The following RSPO3 variants were observed in gnomAD, a reference collection of about 807,000 sequenced individuals.
RSPO3 encodes R-spondin 3.
A neutral mutation model predicts 36.5 loss-of-function variants in RSPO3; 17 were observed. That is an observed-to-expected ratio of 0.47 (90% confidence interval 0.32 to 0.70). RSPO3 has a LOEUF of 0.70. Among genes scored for constraint, RSPO3 ranks in the 30% least tolerant of loss-of-function variants. RSPO3 has a pLI of 0.04. For missense variants in RSPO3, 294 were observed against 322.5 expected (o/e 0.91, Z 0.68); for synonymous variants, 108 against 107.0 (o/e 1.01, Z -0.06).
At chr6:127,179,296 C>T (rs1775132948) in intron 4 of RSPO3, among the ~76,000 whole-genome samples, 1 of 151,784 alleles carries the variant, frequency 6.6e-6, no homozygotes, top group African/African-American at 2.4e-5. Flanking sequence ...GAGGTATAAA[C>T]TCGTAATAAA....
rs188652688 is a variant in RSPO3, at chr6:127,173,244, C to T, written c.634+17806C>T. ...TAATAAGCAAATTGGCCAGTGATTT[C>T]CCCTTTTGCTTCAAATCATTCTGAT... On this transcript the variant is annotated intron_variant, in intron 4 of 4. Transcript: ENST00000356698. 3.3e-5 allele frequency among the ~76,000 whole-genome samples: 5 copies of T among 151,924 alleles called. No individual in the cohort carries two copies. In the East Asian group the frequency reaches 9.8e-4, roughly 30 times the overall value.
At chr6:127,183,835 T>C (rs1479028558) in intron 4 of RSPO3, among the ~76,000 whole-genome samples, 1 of 151,940 alleles carries the variant, frequency 6.6e-6, no homozygotes, top group Non-Finnish European at 1.5e-5. Context: ...TAGTGCATTC[T>C]CACACTATTA....
chr6:127,160,648 G>A (rs574190507), intron 4 of RSPO3, among the ~76,000 whole-genome samples: 89 of 152,300 alleles, frequency 5.8e-4, no homozygotes, highest in South Asian at 2.3e-3. Context: ...TAACTTCTAC[G>A]TCATTGGGTT....
chr6:127,122,730 T>C (rs1773869083), intron 1 of RSPO3, among the ~76,000 whole-genome samples: 1 of 152,340 alleles, frequency 6.6e-6, no homozygotes, highest in East Asian at 1.9e-4. Context: ...ACTGTTCTCC[T>C]TGACTGGAAA....
intron 3 of RSPO3, 103 bp downstream of exon 3, chr6:127,150,675 GA>G: frequency 8.9e-7 from 1 of 1,119,174 alleles, no homozygotes; most frequent in Non-Finnish European, 1.3e-6. Context: ...CTTGGGCTGA[GA>G]TCTCTTAAAG....
intron 1 of RSPO3, among the ~76,000 whole-genome samples, chr6:127,135,140 G>A (rs1484977589): frequency 7.2e-5 from 11 of 152,176 alleles, no homozygotes; most frequent in Non-Finnish European, 2.9e-5. Context: ...TGCAACTATT[G>A]GCCAGGTGCG....
intron 1 of RSPO3, among the ~76,000 whole-genome samples, chr6:127,133,839 C>G (rs1420841824): frequency 1.3e-5 from 2 of 152,070 alleles, no homozygotes; most frequent in African/African-American, 4.8e-5. Context: ...TAAACAATTA[C>G]TATGTGCCAA....
intron 4 of RSPO3, among the ~76,000 whole-genome samples, chr6:127,182,382 G>A (rs1775206876): frequency 6.6e-6 from 1 of 151,724 alleles, no homozygotes; most frequent in Non-Finnish European, 1.5e-5. Context: ...CCAAACATAT[G>A]GGCTATTTCA....
Position 127,131,769 on chromosome 6 carries a change from G to A in RSPO3, c.97+12480G>A, listed in dbSNP as rs1774062386. Among the ~76,000 whole-genome samples, 5 of 152,144 alleles carry A rather than the reference G, an allele frequency of 3.3e-5. No homozygotes were observed. The South Asian group carries it at 1.0e-3, about 32-fold the overall frequency. On this transcript the variant is annotated intron_variant, in intron 1 of 4. Coordinates refer to ENST00000356698, the MANE Select transcript of RSPO3 (RefSeq NM_032784.5). ...GCTGACTACTTAGCAACTCATGGAG[G>A]ATCAAGTCATTCCTATGTATCAAGC...
chr6:127,142,973 G>A (rs1345128133), intron 1 of RSPO3, among the ~76,000 whole-genome samples: 5 of 134,982 alleles, frequency 3.7e-5, no homozygotes, highest in East Asian at 4.3e-4. Flanking sequence ...GTGTCACCGT[G>A]CCCAGCTAAT....
At chr6:127,165,122 T>G (rs1487166678) in intron 4 of RSPO3, among the ~76,000 whole-genome samples, 1 of 151,998 alleles carries the variant, frequency 6.6e-6, no homozygotes, top group Non-Finnish European at 1.5e-5. Context: ...TAAATTCACA[T>G]GCAGAAAATA....
intron 4 of RSPO3, among the ~76,000 whole-genome samples, chr6:127,159,718 G>A (rs944794492): frequency 8.3e-5 from 12 of 144,534 alleles, no homozygotes; most frequent in African/African-American, 2.9e-4. Context: ...GCGCGATCTC[G>A]GCTCACTGCA....
At chr6:127,124,276 T>G (rs1159473408) in intron 1 of RSPO3, among the ~76,000 whole-genome samples, 1 of 152,120 alleles carries the variant, frequency 6.6e-6, no homozygotes, top group African/African-American at 2.4e-5. Context: ...TTCTTCACTA[T>G]TCACTCACAT....
intron 3 of RSPO3, among the ~76,000 whole-genome samples, chr6:127,151,225 C>T (rs1774485011): frequency 6.6e-6 from 1 of 151,920 alleles, no homozygotes; most frequent in Non-Finnish European, 1.5e-5. Flanking sequence ...CTTACTCAAA[C>T]TGACAGATTG....
At chr6:127,173,445 C>CATAAT (rs1443318829) in intron 4 of RSPO3, among the ~76,000 whole-genome samples, 1 of 151,676 alleles carries the variant, frequency 6.6e-6, no homozygotes, top group Non-Finnish European at 1.5e-5. Flanking sequence ...AAATATAAAT[C>CATAAT]CTAATAAAGA....
At chr6:127,149,915 T>C (rs909265801) in intron 2 of RSPO3, among the ~76,000 whole-genome samples, 1 of 152,038 alleles carries the variant, frequency 6.6e-6, no homozygotes, top group Non-Finnish European at 1.5e-5. Context: ...TTGTTATTGT[T>C]TACTGTATCT....
rs1298177857 is a variant in RSPO3, at chr6:127,119,034, G to A, written c.-159G>A. On this transcript the variant is annotated 5_prime_UTR_variant, in exon 1 of 5. Transcript: ENST00000356698. ...TTTCCCTGTCCACCCGCCCCACTTC[G>A]CTTGCCATCACAGCACGCCTATCGG... 6 of 511,096 alleles carry A rather than the reference G, an allele frequency of 1.2e-5. No individual in the cohort carries two copies. Among genetic ancestry groups the A allele is most frequent in the Admixed American group, 7.2e-5 (2 of 27,608 alleles). The allele number at this position is 511,096 out of a possible 1,614,324, so 31.7% of individuals were successfully genotyped here.
At chr6:127,182,015 A>C (rs1775197888) in intron 4 of RSPO3, among the ~76,000 whole-genome samples, 1 of 151,936 alleles carries the variant, frequency 6.6e-6, no homozygotes, top group Non-Finnish European at 1.5e-5. Context: ...CACTCATGAC[A>C]GAAGGAAAAG....
intron 4 of RSPO3, among the ~76,000 whole-genome samples, chr6:127,155,831 C>A (rs150744646): frequency 3.4e-4 from 51 of 151,734 alleles, no homozygotes; most frequent in South Asian, 2.1e-3. Flanking sequence ...TCACTGCCTG[C>A]AAACCAAAGT....
Sources: allele counts gnomAD v4.1 joint callset (sites outside exome capture counted in the v4.1 genomes callset), GRCh38; gene constraint gnomAD v4.1.1; transcripts MANE v1.5; gene names NCBI Gene and HGNC (gene_info 2026-07-23, HGNC 2026-07-21).